The following ANKFN1 variants were observed in gnomAD, a reference collection of about 807,000 sequenced individuals.
The protein encoded by ANKFN1 is ankyrin repeat and fibronectin type III domain containing 1, also known as ankyrin repeat and fibronectin type-III domain-containing protein 1.
ANKFN1 carries 74 observed loss-of-function variants against 108.7 expected under a neutral mutation model. That is an observed-to-expected ratio of 0.68 (90% CI 0.56 to 0.83). The LOEUF is 0.83. Among genes scored for constraint, ANKFN1 ranks in the 40% least tolerant of loss-of-function variants. The pLI is 0.00. For synonymous variants in ANKFN1, 547 were observed against 516.2 expected (o/e 1.06, Z -0.81); for missense variants, 1,505 against 1,382.3 (o/e 1.09, Z -1.41).
intron 4 of ANKFN1, among the ~76,000 whole-genome samples, chr17:56,065,627 C>T (rs1384064558): frequency 5.3e-5 from 8 of 152,100 alleles, no homozygotes; most frequent in African/African-American, 1.7e-4. Flanking sequence ...ATTGTTGTGT[C>T]TCAGGGAATA....
intron 1 of ANKFN1, among the ~76,000 whole-genome samples, chr17:56,170,775 TATATATATA>T (rs1409489894): frequency 6.4e-4 from 32 of 50,292 alleles, no homozygotes; most frequent in Middle Eastern, 0.012. Context: ...AAAAATTTTT[TATATATATA>T]TATATATATA....
chr17:56,228,265 T>C, intron 3 of ANKFN1: 1 of 271,946 alleles, frequency 3.7e-6, no homozygotes, highest in Non-Finnish European at 6.8e-6. Context: ...AACATTTAAA[T>C]ATTCAGTTCT....
chr17:56,046,193 G>C (rs1464705565), exon 4 of ANKFN1: 1 of 153,872 alleles, frequency 6.5e-6, no homozygotes, highest in Non-Finnish European at 1.5e-5. Flanking sequence ...AAGCAGCCCA[G>C]AGGAAAACCA....
intron 6 of ANKFN1, among the ~76,000 whole-genome samples, chr17:56,357,758 G>C (rs1291868724): frequency 6.6e-6 from 1 of 152,146 alleles, no homozygotes; most frequent in Admixed American, 6.6e-5. Context: ...GCCGTAAACT[G>C]TTCCCCAGAA....
chr17:56,249,582 C>A (rs1363949706), intron 3 of ANKFN1, among the ~76,000 whole-genome samples: 2 of 152,038 alleles, frequency 1.3e-5, no homozygotes, highest in Non-Finnish European at 2.9e-5. Context: ...ATAGCCAAGA[C>A]AATTTAAAAA....
chr17:56,419,196 T>C (rs988362350), intron 8 of ANKFN1, among the ~76,000 whole-genome samples: 5 of 152,082 alleles, frequency 3.3e-5, no homozygotes, highest in Admixed American at 2.6e-4. Flanking sequence ...AGATATAAAT[T>C]TGGGGCCAGG....
At chr17:56,504,697 C>A (rs2051492648) in intron 20 of ANKFN1, among the ~76,000 whole-genome samples, 1 of 151,936 alleles carries the variant, frequency 6.6e-6, no homozygotes, top group Middle Eastern at 3.4e-3. Context: ...ACTCTGTTGC[C>A]CAGGCTGGAG....
At chr17:56,295,907 G>A (rs2044497127) in intron 3 of ANKFN1, among the ~76,000 whole-genome samples, 1 of 152,172 alleles carries the variant, frequency 6.6e-6, no homozygotes, top group South Asian at 2.1e-4. Flanking sequence ...GAGGCCTCAT[G>A]GGCCAACTTT....
chr17:56,438,312 G>A (rs1350193922), intron 8 of ANKFN1, among the ~76,000 whole-genome samples: 2 of 152,026 alleles, frequency 1.3e-5, no homozygotes, highest in Admixed American at 1.3e-4. Flanking sequence ...TTGGAAGATG[G>A]GGAAAAGACA....
intron 8 of ANKFN1, among the ~76,000 whole-genome samples, chr17:56,402,507 T>C (rs1467489677): frequency 6.6e-6 from 1 of 152,178 alleles, no homozygotes; most frequent in Non-Finnish European, 1.5e-5. Context: ...GAATGATCTT[T>C]TGTATTTCAG....
At chr17:56,264,344 A>G (rs541704004) in intron 3 of ANKFN1, among the ~76,000 whole-genome samples, 13 of 152,262 alleles carry the variant, frequency 8.5e-5, no homozygotes, top group African/African-American at 2.9e-4. Context: ...TGCTGGCTAC[A>G]TGCCTGCCTG....
chr17:56,209,993 T>C (rs1388326631), intron 1 of ANKFN1, among the ~76,000 whole-genome samples: 2 of 152,190 alleles, frequency 1.3e-5, no homozygotes, highest in African/African-American at 4.8e-5. Flanking sequence ...GCAAATGCCG[T>C]TAATTCATTC....
Position 56,514,793 on chromosome 17 carries a change from G to A in ANKFN1, c.*3524G>A, listed in dbSNP as rs1341354879. On this transcript the variant is annotated 3_prime_UTR_variant, in exon 21 of 21. Transcript: ENST00000682825. ...TATGAAAAGCAATGACTGAAGCCTT[G>A]TTGTACTCCCCTAAAGAAACCTTGT... 1.3e-5 allele frequency among the ~76,000 whole-genome samples: 2 copies of A among 152,232 alleles called. No individual in the cohort carries two copies. The highest frequency in any genetic ancestry group is 3.9e-4 in the East Asian group (2 of 5,172).
Position 56,510,877 on chromosome 17 carries a change from T to C in ANKFN1, c.3049T>C (p.Trp1017Arg). 6.5e-7 allele frequency: 1 copy of C among 1,536,102 alleles called. No homozygotes were observed. The highest frequency in any genetic ancestry group is 8.7e-7 in the Non-Finnish European group (1 of 1,146,884). Residue 1017 changes from tryptophan to arginine, a missense_variant, in exon 21 of 21, where the codon TGG (tryptophan) becomes CGG (arginine). Transcript: ENST00000682825. ...HYGGFSRHHR[W>R]LRIHSETQSL... ...TGGCGGCTTCAGCCGCCATCATCGC[T>C]GGTTGCGCATCCACAGCGAGACCCA...
intron 17 of ANKFN1, among the ~76,000 whole-genome samples, chr17:56,481,450 G>A (rs1307565604): frequency 6.6e-6 from 1 of 151,572 alleles, no homozygotes; most frequent in African/African-American, 2.4e-5. Context: ...TTTTTTTGGC[G>A]GGGGGACCTA....
At chr17:56,505,422 T>A (rs531321000) in intron 20 of ANKFN1, among the ~76,000 whole-genome samples, 2 of 152,334 alleles carry the variant, frequency 1.3e-5, no homozygotes, top group African/African-American at 4.8e-5. Flanking sequence ...ACAGTGTAGT[T>A]GGGAGGTCTT....
rs1441701386 is a variant in ANKFN1 at position 56,512,527 on chromosome 17, TCA to T, written c.*1261_*1262del. The stretch of plus-strand genomic sequence containing the variant: ...TCTCATTACCTCCTATCTGAATTTC[TCA>T]CAGGAATCCAAATTAGACAAATCAC... On this transcript the variant is annotated 3_prime_UTR_variant, in exon 21 of 21. Transcript: ENST00000682825. Among the ~76,000 whole-genome samples, 2 of 152,218 alleles carry T rather than the reference TCA, an allele frequency of 1.3e-5. No individual in the cohort carries two copies. The highest frequency in any genetic ancestry group is 4.8e-5 in the African/African-American group (2 of 41,450).
At chr17:56,244,638 G>T (rs1917829279) in intron 3 of ANKFN1, among the ~76,000 whole-genome samples, 1 of 152,102 alleles carries the variant, frequency 6.6e-6, no homozygotes, top group Non-Finnish European at 1.5e-5. Flanking sequence ...ATCCAGGCAG[G>T]CTGCATATAG....
intron 14 of ANKFN1, among the ~76,000 whole-genome samples, chr17:56,461,627 C>T (rs2049905287): frequency 6.6e-6 from 1 of 152,152 alleles, no homozygotes; most frequent in Non-Finnish European, 1.5e-5. Flanking sequence ...CTCATAGCAC[C>T]TTGTATTCTT....
Sources: gnomAD v4.1 joint callset for allele counts (sites outside exome capture counted in the v4.1 genomes callset) on GRCh38, gnomAD v4.1.1 for gene constraint, MANE v1.5 for transcripts, NCBI Gene and HGNC (gene_info 2026-07-23, HGNC 2026-07-21) for gene names.